FOXN2: variants seen among roughly 807,000 people sequenced by gnomAD.
FOXN2 encodes forkhead box N2, also known as forkhead box protein N2.
Under a neutral mutation model 41.2 loss-of-function variants are expected in FOXN2, and 19 were observed. The ratio of observed to expected loss-of-function variants is 0.46; its 90% CI spans 0.32 to 0.68. The LOEUF is 0.68. FOXN2 is among the 30% of genes least tolerant of loss of function. FOXN2 has a pLI of 0.03. For synonymous variants in FOXN2, 195 were observed against 176.8 expected (o/e 1.10, Z -0.82); for missense variants, 587 against 509.4 (o/e 1.15, Z -1.47).
chr2:48,344,440 T>TA (rs1174111693), intron 2 of FOXN2, among the ~76,000 whole-genome samples: 3 of 152,236 alleles, frequency 2.0e-5, no homozygotes, highest in African/African-American at 7.2e-5. Flanking sequence ...ATATTGTGGT[T>TA]AGAGTTTTGT....
At chr2:48,330,758 TAA>T (rs1669972012) in intron 2 of FOXN2, among the ~76,000 whole-genome samples, 1 of 123,082 alleles carries the variant, frequency 8.1e-6, no homozygotes. Context: ...ATAGTAAACT[TAA>T]ATTAAGTGTA....
intron 2 of FOXN2, among the ~76,000 whole-genome samples, chr2:48,345,302 G>T (rs982168239): frequency 1.8e-4 from 27 of 152,260 alleles, no homozygotes; most frequent in African/African-American, 6.3e-4. Flanking sequence ...CGGAAGTATA[G>T]AGTAGAATGG....
Position 48,346,211 on chromosome 2 carries a change from G to A in FOXN2, c.-4G>A, listed in dbSNP as rs1671089337. 1.3e-6 allele frequency: 2 copies of A among 1,597,596 alleles called. No homozygotes were observed. The highest frequency in any genetic ancestry group is 2.2e-5 in the East Asian group (1 of 44,738). ...TTTCCTTTGTTGCAGAACTGTAAGA[G>A]TAAATGGGTCCAGTAATTGGAATGA... is the stretch of plus-strand genomic sequence containing the variant. On this transcript the variant is annotated 5_prime_UTR_variant, in exon 3 of 7. Transcript: ENST00000340553.
At chr2:48,346,011 A>G (rs1671072101) in intron 2 of FOXN2, among the ~76,000 whole-genome samples, 190 bp from the exon 3 acceptor site, 1 of 152,196 alleles carries the variant, frequency 6.6e-6, no homozygotes, top group African/African-American at 2.4e-5. Flanking sequence ...AGCCATTTCA[A>G]CTAATATAAG....
chr2:48,329,006 C>T (rs942120914), intron 2 of FOXN2, among the ~76,000 whole-genome samples: 1 of 152,002 alleles, frequency 6.6e-6, no homozygotes, highest in African/African-American at 2.4e-5. Flanking sequence ...ACAGTTTTTA[C>T]TCAATTTAGA....
intron 1 of FOXN2, among the ~76,000 whole-genome samples, chr2:48,324,499 C>T (rs546219816): frequency 6.6e-6 from 1 of 152,242 alleles, no homozygotes; most frequent in South Asian, 2.1e-4. Context: ...CATATTTCAT[C>T]CTTCAAATTT....
At chr2:48,336,896 T>G (rs748217301) in intron 2 of FOXN2, among the ~76,000 whole-genome samples, 3 of 152,120 alleles carry the variant, frequency 2.0e-5, no homozygotes, top group Non-Finnish European at 4.4e-5. Flanking sequence ...CAATGTGAAA[T>G]AAGCACATCC....
rs1211771730 is a variant in FOXN2 at position 48,356,896 on chromosome 2, A to T, written c.538-2151A>T. On this transcript the variant is annotated intron_variant, in intron 3 of 6. Transcript: ENST00000340553. Reference sequence around the variant, plus strand: ...GCCTTAGAGTTCTAAAACGCAAAATAATAAAATGAGAGAATGCTCATTTCC... The same window carrying T: ...GCCTTAGAGTTCTAAAACGCAAAATTATAAAATGAGAGAATGCTCATTTCC... Among the ~76,000 whole-genome samples the T allele has an allele frequency of 2.0e-5, 3 of 152,230 alleles. No homozygotes were observed. In the East Asian group the frequency reaches 5.8e-4, roughly 29 times the overall value.
chr2:48,375,515 A>T lies in FOXN2; in HGVS notation c.*72A>T. 2 of 1,402,530 alleles carry T rather than the reference A, an allele frequency of 1.4e-6. No homozygotes were observed. The highest frequency in any genetic ancestry group is 1.9e-6 in the Non-Finnish European group (2 of 1,050,424). The allele number at this position is 1,402,530 out of a possible 1,614,324, so 86.9% of individuals were successfully genotyped here. ...GGATATCAAAGCCATAATGGACTTCATTAGTTTTAGGGTAGGGAAGGGATA... is the reference window on the plus strand; with the variant it reads ...GGATATCAAAGCCATAATGGACTTCTTTAGTTTTAGGGTAGGGAAGGGATA... On this transcript the variant is annotated 3_prime_UTR_variant, in exon 7 of 7. Coordinates refer to ENST00000340553, the MANE Select transcript of FOXN2 (RefSeq NM_002158.4).
intron 5 of FOXN2, among the ~76,000 whole-genome samples, chr2:48,365,889 T>C (rs1447974701): frequency 6.6e-6 from 1 of 152,220 alleles, no homozygotes; most frequent in Non-Finnish European, 1.5e-5. Context: ...GGTATATTTC[T>C]GAGGAAATTT....
intron 2 of FOXN2, 54 bp from the exon 3 acceptor site, chr2:48,346,147 C>T: frequency 6.9e-7 from 1 of 1,457,746 alleles, no homozygotes; most frequent in Non-Finnish European, 9.2e-7. Flanking sequence ...TTTTCTTTTT[C>T]CCAGAGTTTA....
chr2:48,344,140 A>T (rs1281095574), intron 2 of FOXN2, among the ~76,000 whole-genome samples: 1 of 152,236 alleles, frequency 6.6e-6, no homozygotes, highest in Non-Finnish European at 1.5e-5. Flanking sequence ...AGACTTTGAT[A>T]AAATGAATAA....
chr2:48,367,235 A>G (rs1047152479), intron 5 of FOXN2, among the ~76,000 whole-genome samples: 1 of 152,086 alleles, frequency 6.6e-6, no homozygotes, highest in African/African-American at 2.4e-5. Context: ...TTTGGTGTGT[A>G]TTTAGAGTAA....
In FOXN2 at chr2:48,378,977, T is replaced by C. The variant is rs1673414807; in HGVS notation, c.*3534T>C. ...AAAATGTATAATTGCCAATTGATTG[T>C]AACTATTATTTATTTTTAAATGAAA... On this transcript the variant is annotated 3_prime_UTR_variant, in exon 7 of 7. Coordinates refer to ENST00000340553, the MANE Select transcript of FOXN2 (RefSeq NM_002158.4). The C allele has an allele frequency of 6.6e-6, 1 of 152,620 alleles. No individual in the cohort carries two copies. Among genetic ancestry groups the C allele is most frequent in the South Asian group, 2.1e-4 (1 of 4,838 alleles). The allele number at this position is 152,620 out of a possible 1,614,324, so 9.5% of individuals were successfully genotyped here.
intron 1 of FOXN2, among the ~76,000 whole-genome samples, chr2:48,317,403 C>T (rs1418342028): frequency 1.3e-5 from 2 of 150,896 alleles, no homozygotes; most frequent in South Asian, 2.1e-4. Flanking sequence ...GAGTTGAGAT[C>T]ATGCCACTGC....
At chr2:48,369,783 G>T (rs1315756298) in intron 5 of FOXN2, among the ~76,000 whole-genome samples, 1 of 152,090 alleles carries the variant, frequency 6.6e-6, no homozygotes, top group Non-Finnish European at 1.5e-5. Context: ...GGGAGCCTGA[G>T]GCGGGAGGAT....
At chr2:48,317,460 A>AT (rs887119674) in intron 1 of FOXN2, among the ~76,000 whole-genome samples, 12 of 148,404 alleles carry the variant, frequency 8.1e-5, no homozygotes, top group Middle Eastern at 3.4e-3. Flanking sequence ...AAAAAAAAAA[A>AT]TTTTTTTTTT....
intron 1 of FOXN2, among the ~76,000 whole-genome samples, chr2:48,323,163 T>C (rs1035797507): frequency 2.6e-5 from 4 of 152,062 alleles, no homozygotes; most frequent in Admixed American, 2.6e-4. Context: ...TTAAATATTC[T>C]GTTTTTTTTT....
chr2:48,361,597 C>T (rs747667153), intron 4 of FOXN2, among the ~76,000 whole-genome samples: 1 of 152,000 alleles, frequency 6.6e-6, no homozygotes, highest in Admixed American at 6.6e-5. Context: ...ATCTGACATG[C>T]TTTTGTGTAG....
Sources: gnomAD v4.1 joint callset for allele counts (sites outside exome capture counted in the v4.1 genomes callset) on GRCh38, gnomAD v4.1.1 for gene constraint, MANE v1.5 for transcripts, NCBI Gene and HGNC (gene_info 2026-07-23, HGNC 2026-07-21) for gene names.